CTTNBP2: variants seen among roughly 807,000 people sequenced by gnomAD.
CTTNBP2 encodes the protein cortactin-binding protein 2.
CTTNBP2 carries 108 observed loss-of-function variants against 156.9 expected under a neutral mutation model. The ratio of observed to expected loss-of-function variants is 0.69; its 90% CI spans 0.59 to 0.81. The LOEUF (loss-of-function observed/expected upper bound fraction) is 0.81, where lower values mean the gene tolerates loss of function less well. Ranked by LOEUF, CTTNBP2 falls within the 30% of genes least tolerant of loss-of-function variation. CTTNBP2 has a pLI of 0.00. For missense variants in CTTNBP2, 1,924 were observed against 2,035.4 expected (o/e 0.95, Z 1.05); for synonymous variants, 767 against 751.8 (o/e 1.02, Z -0.33).
rs773338758 is a variant in CTTNBP2, at chr7:117,810,789, A to G, written c.390T>C (p.Ala130=). 1 of 1,613,520 alleles carries G rather than the reference A, an allele frequency of 6.2e-7. No individual in the cohort carries two copies. Among genetic ancestry groups the G allele is most frequent in the East Asian group, 2.2e-5 (1 of 44,884 alleles). ...KMQERMSAQL[A]AAESRQKKLE... ...CCTTCTTTTGTCTGCTCTCAGCAGC[A>G]GCCAGCTGTGCGGACATCCTTTCTT... is the stretch of plus-strand genomic sequence containing the variant. Residue 130 remains alanine, a synonymous_variant, in exon 3 of 23, where the codon GCT becomes GCC. Coordinates refer to ENST00000160373, the MANE Select transcript of CTTNBP2 (RefSeq NM_033427.3).
chr7:117,751,362 A>T (rs1360422333), intron 12 of CTTNBP2, among the ~76,000 whole-genome samples: 1 of 152,254 alleles, frequency 6.6e-6, no homozygotes, highest in East Asian at 1.9e-4. Context: ...GCTTGTGCTG[A>T]CTAAACAAAA....
chr7:117,835,350 A>C (rs190426042), intron 2 of CTTNBP2, among the ~76,000 whole-genome samples: 2 of 152,240 alleles, frequency 1.3e-5, no homozygotes, highest in African/African-American at 2.4e-5. Context: ...CTCTGTATGT[A>C]GTGAACTGTG....
At chr7:117,780,053 C>T (rs1798329764) in intron 7 of CTTNBP2, among the ~76,000 whole-genome samples, 1 of 152,172 alleles carries the variant, frequency 6.6e-6, no homozygotes, top group Non-Finnish European at 1.5e-5. Flanking sequence ...AGCCACCACG[C>T]CCAGCCACAT....
chr7:117,755,247 T>G (rs1040257055), intron 12 of CTTNBP2: 5 of 200,458 alleles, frequency 2.5e-5, no homozygotes, highest in South Asian at 7.6e-5. Context: ...CTACTGTGGC[T>G]GCTGGTACAA....
At chr7:117,780,117 C>A (rs917840076) in intron 7 of CTTNBP2, among the ~76,000 whole-genome samples, 26 of 152,298 alleles carry the variant, frequency 1.7e-4, no homozygotes, top group African/African-American at 5.5e-4. Context: ...AATCCAGGAT[C>A]TGAGACTATT....
At chr7:117,859,052 ACAT>A (rs1201854931) in intron 2 of CTTNBP2, among the ~76,000 whole-genome samples, 1 of 152,216 alleles carries the variant, frequency 6.6e-6, no homozygotes, top group Non-Finnish European at 1.5e-5. Flanking sequence ...TATATTGAGT[ACAT>A]CATATTTTAT....
chr7:117,758,604 C>G (rs1047812957), intron 10 of CTTNBP2, among the ~76,000 whole-genome samples: 1 of 152,048 alleles, frequency 6.6e-6, no homozygotes, highest in East Asian at 1.9e-4. Flanking sequence ...CTCAGCATGC[C>G]TCCAATATAC....
chr7:117,872,421 CTGCAGCTCCT>C (rs927219052), intron 1 of CTTNBP2, among the ~76,000 whole-genome samples: 6 of 152,324 alleles, frequency 3.9e-5, no homozygotes, highest in African/African-American at 9.6e-5. Flanking sequence ...CTGCCTTTCT[CTGCAGCTCCT>C]TGCAGCTCCT....
At chr7:117,847,819 C>CTTTTTTTTTTTTTTTTTTTTTTTTTTT (rs201419286) in intron 2 of CTTNBP2, among the ~76,000 whole-genome samples, 2 of 91,372 alleles carry the variant, frequency 2.2e-5, no homozygotes, top group African/African-American at 9.5e-5. Context: ...TTTGCCTAAC[C>CTTTTTTTTTTTTTTTTTTTTTTTTTTT]TTTTTTTTTT....
At chr7:117,863,434 G>A (rs1803904269) in intron 1 of CTTNBP2, among the ~76,000 whole-genome samples, 1 of 152,128 alleles carries the variant, frequency 6.6e-6, no homozygotes, top group Admixed American at 6.5e-5. Context: ...TGTCCATAAG[G>A]TCTTATAAAC....
chr7:117,785,402 T>C (rs1798655781), intron 4 of CTTNBP2, among the ~76,000 whole-genome samples: 1 of 152,212 alleles, frequency 6.6e-6, no homozygotes, highest in Non-Finnish European at 1.5e-5. Context: ...TTTGTGTATT[T>C]TAGACTTAAA....
intron 2 of CTTNBP2, among the ~76,000 whole-genome samples, chr7:117,813,219 CACTGCTGGG>C (rs1800390746): frequency 6.6e-6 from 1 of 152,202 alleles, no homozygotes; most frequent in Admixed American, 6.5e-5. Context: ...CCCCCTTTTG[CACTGCTGGG>C]ACCCCTTCAT....
At chr7:117,801,287 A>G (rs1001797506) in intron 3 of CTTNBP2, among the ~76,000 whole-genome samples, 1 of 152,230 alleles carries the variant, frequency 6.6e-6, no homozygotes, top group African/African-American at 2.4e-5. Flanking sequence ...AAAAGGAACA[A>G]TAACAACTAA....
At chr7:117,758,054 G>A in intron 10 of CTTNBP2, 84 bp from the exon 11 acceptor site, 3 of 964,960 alleles carry the variant, frequency 3.1e-6, no homozygotes, top group Middle Eastern at 2.1e-4. Flanking sequence ...TCTCTTCTGT[G>A]AGAACCCTAA....
chr7:117,729,935 A>G (rs1795312776), intron 16 of CTTNBP2, among the ~76,000 whole-genome samples: 1 of 152,160 alleles, frequency 6.6e-6, no homozygotes, highest in African/African-American at 2.4e-5. Context: ...AATATGGAAG[A>G]GGGAAGGAAC....
chr7:117,737,819 C>T (rs967903129), intron 14 of CTTNBP2, among the ~76,000 whole-genome samples: 12 of 152,100 alleles, frequency 7.9e-5, no homozygotes, highest in Non-Finnish European at 1.5e-4. Context: ...ACTTCGTGAT[C>T]CACCCACCTC....
chr7:117,718,856 T>C (rs1023813617), intron 21 of CTTNBP2, among the ~76,000 whole-genome samples: 1 of 152,148 alleles, frequency 6.6e-6, no homozygotes, highest in Non-Finnish European at 1.5e-5. Flanking sequence ...AAGTTAGGAA[T>C]GTGGAAAGGA....
At chr7:117,873,048 G>A (rs1220699386) in intron 1 of CTTNBP2, among the ~76,000 whole-genome samples, 1 of 152,188 alleles carries the variant, frequency 6.6e-6, no homozygotes, top group African/African-American at 2.4e-5. Context: ...CATAGGGGTC[G>A]CACTGGACGC....
chr7:117,809,116 C>G (rs935490368), intron 3 of CTTNBP2, among the ~76,000 whole-genome samples: 1 of 151,734 alleles, frequency 6.6e-6, no homozygotes, highest in Non-Finnish European at 1.5e-5. Context: ...AGGACAGAAA[C>G]AATTTCCTTT....
Sources: gnomAD v4.1 joint callset for allele counts (sites outside exome capture counted in the v4.1 genomes callset) on GRCh38, gnomAD v4.1.1 for gene constraint, MANE v1.5 for transcripts, NCBI Gene and HGNC (gene_info 2026-07-23, HGNC 2026-07-21) for gene names.